ZBTB38: variants seen among roughly 807,000 people sequenced by gnomAD.
The protein encoded by ZBTB38 is zinc finger and BTB domain-containing protein 38.
In ZBTB38, 20 loss-of-function variants were observed where a neutral mutation model predicts 76.8. The observed-to-expected ratio is 0.26, with a 90% confidence interval of 0.18 to 0.38. The LOEUF is 0.38. Among genes scored for constraint, ZBTB38 ranks in the 10% least tolerant of loss-of-function variants. The probability of loss-of-function intolerance (pLI) is 1.00; values close to 1 mark genes in which losing one functional copy is unlikely to be tolerated. For missense variants in ZBTB38, 1,082 were observed against 1,482.3 expected (o/e 0.73, Z 4.43); for synonymous variants, 504 against 544.2 (o/e 0.93, Z 1.03).
intron 1 of ZBTB38, among the ~76,000 whole-genome samples, chr3:141,345,736 G>A (rs998852887): frequency 6.6e-6 from 1 of 151,958 alleles, no homozygotes; most frequent in African/African-American, 2.4e-5. Context: ...GTCTTGGGGT[G>A]GGAGGTGGGA....
At chr3:141,434,215 A>C (rs900149623) in intron 5 of ZBTB38, 1 of 985,290 alleles carries the variant, frequency 1.0e-6, no homozygotes, top group Admixed American at 6.1e-5. Flanking sequence ...TAAGACATCA[A>C]CTGAGACAAG....
intron 2 of ZBTB38, among the ~76,000 whole-genome samples, chr3:141,373,294 TG>T (rs2149055689): frequency 6.6e-6 from 1 of 152,350 alleles, no homozygotes; most frequent in South Asian, 2.1e-4. Flanking sequence ...TAATTTCACA[TG>T]GGAGTAATAA....
chr3:141,351,868 A>G (rs1363874883), intron 1 of ZBTB38, among the ~76,000 whole-genome samples: 5 of 151,982 alleles, frequency 3.3e-5, no homozygotes, highest in African/African-American at 1.2e-4. Flanking sequence ...TATATTTTTG[A>G]GGGGTTTTTA....
chr3:141,433,100 T>C (rs1363507878), intron 5 of ZBTB38, among the ~76,000 whole-genome samples: 1 of 152,212 alleles, frequency 6.6e-6, no homozygotes. Flanking sequence ...ATGGAGAGTA[T>C]GCATATCTGC....
rs2081179978 is a variant in ZBTB38 at position 141,447,406 on chromosome 3, T to TA, written c.*1431dup. 1 of 152,576 alleles carries TA rather than the reference T, an allele frequency of 6.6e-6. No homozygotes were observed. Among genetic ancestry groups the TA allele is most frequent in the South Asian group, 2.1e-4 (1 of 4,824 alleles). 9.5% of individuals were successfully genotyped at this position (152,576 alleles called of 1,614,324 possible). ...TAAAAACCCACTGAAGTTTTTTTTT[T>TA]ATGTTCTTTGACCCACACCATCAAC... On this transcript the variant is annotated 3_prime_UTR_variant, in exon 6 of 6. Coordinates refer to ENST00000321464, the MANE Select transcript of ZBTB38 (RefSeq NM_001376113.1).
At chr3:141,348,890 A>T (rs1328665808) in intron 1 of ZBTB38, among the ~76,000 whole-genome samples, 1 of 152,158 alleles carries the variant, frequency 6.6e-6, no homozygotes, top group African/African-American at 2.4e-5. Flanking sequence ...GAGGGTAAAC[A>T]GTGGATGGAG....
intron 1 of ZBTB38, among the ~76,000 whole-genome samples, chr3:141,326,012 T>C: frequency 6.6e-6 from 1 of 152,204 alleles, no homozygotes; most frequent in East Asian, 1.9e-4. Flanking sequence ...TAACATGTTT[T>C]TTCTTTAATT....
At chr3:141,345,377 A>G (rs1576655466) in intron 1 of ZBTB38, among the ~76,000 whole-genome samples, 1 of 152,124 alleles carries the variant, frequency 6.6e-6, no homozygotes. Flanking sequence ...AAGGGCCTGG[A>G]CAGCTGATGT....
chr3:141,409,059 T>A (rs915359289), intron 5 of ZBTB38, among the ~76,000 whole-genome samples: 2 of 152,278 alleles, frequency 1.3e-5, no homozygotes, highest in African/African-American at 4.8e-5. Context: ...AATTATTATT[T>A]TTTAAGACGG....
intron 1 of ZBTB38, among the ~76,000 whole-genome samples, chr3:141,347,820 A>G (rs979741729): frequency 5.9e-5 from 9 of 152,162 alleles, no homozygotes; most frequent in Non-Finnish European, 8.8e-5. Context: ...ATCTCCTCCA[A>G]TGGTTCCTTC....
intron 2 of ZBTB38, among the ~76,000 whole-genome samples, chr3:141,372,128 A>G (rs1247916741): frequency 6.6e-6 from 1 of 152,224 alleles, no homozygotes; most frequent in African/African-American, 2.4e-5. Context: ...ACAGCTTCTC[A>G]GATATCTGAC....
At chr3:141,336,364 C>T (rs781018747) in intron 1 of ZBTB38, among the ~76,000 whole-genome samples, 3 of 152,046 alleles carry the variant, frequency 2.0e-5, no homozygotes, top group Non-Finnish European at 4.4e-5. Context: ...CTATTTGCTT[C>T]TCTTGACCAT....
At chr3:141,340,938 A>AAAAGAAAAGAAAAG (rs779460196) in intron 1 of ZBTB38, among the ~76,000 whole-genome samples, 1 of 32,420 alleles carries the variant, frequency 3.1e-5, no homozygotes, top group African/African-American at 1.7e-4. Context: ...AAAAGAAAAG[A>AAAAGAAAAGAAAAG]AAAGAAAGAA....
chr3:141,380,151 C>T (rs758069723), intron 2 of ZBTB38, among the ~76,000 whole-genome samples: 1 of 152,178 alleles, frequency 6.6e-6, no homozygotes, highest in East Asian at 1.9e-4. Context: ...GACACTTACT[C>T]TCTTTGAACC....
At position 141,371,848 on chromosome 3, in the gene ZBTB38, T is replaced by C. The variant is rs976714751; in HGVS notation, c.-235+1902T>C. ...TGTAACCTTCTAACCATTGTTGATG[T>C]TGGTGAAGTATTCCCCTCATTCGTA... is the stretch of plus-strand genomic sequence containing the variant. On this transcript the variant is annotated intron_variant, in intron 2 of 5. Coordinates refer to ENST00000321464, the MANE Select transcript of ZBTB38 (RefSeq NM_001376113.1). 2.6e-5 allele frequency among the ~76,000 whole-genome samples: 4 copies of C among 152,264 alleles called. No homozygotes were observed. The East Asian group carries it at 7.7e-4, about 29-fold the overall frequency.
intron 2 of ZBTB38, among the ~76,000 whole-genome samples, chr3:141,372,224 T>G (rs925548447): frequency 2.0e-5 from 3 of 152,192 alleles, no homozygotes; most frequent in Non-Finnish European, 2.9e-5. Context: ...TGAGGAGGAA[T>G]GGAATAGAAT....
intron 4 of ZBTB38, among the ~76,000 whole-genome samples, chr3:141,393,094 C>T (rs1458536612): frequency 6.6e-6 from 1 of 152,296 alleles, no homozygotes; most frequent in East Asian, 1.9e-4. Context: ...AGTTTGTTTT[C>T]TGGTGCTGTT....
rs2080617419 is a variant in ZBTB38, at chr3:141,443,254, A to G, written c.866A>G (p.Asn289Ser). 6.2e-7 allele frequency: 1 copy of G among 1,614,188 alleles called. No individual in the cohort carries two copies. Among genetic ancestry groups the G allele is most frequent in the Non-Finnish European group, 8.5e-7 (1 of 1,179,994 alleles). ...TENIPPPPVSNLEVNQERSPQ... is the reference protein window; with the variant it reads ...TENIPPPPVSSLEVNQERSPQ... ...AATATACCACCCCCTCCAGTATCCA[A>G]CTTAGAGGTTAATCAAGAAAGAAGT... Residue 289 changes from asparagine to serine, a missense_variant, in exon 6 of 6, where the codon AAC becomes AGC. This residue lies in a region of ZBTB38 where 324 missense variants were observed against 359.1 expected (regional missense o/e 0.90). Coordinates refer to ENST00000321464, the MANE Select transcript of ZBTB38 (RefSeq NM_001376113.1). This position sits in a 1 kb window ranked among gnomAD's most constrained non-coding sequence, Gnocchi z 5.6.
At chr3:141,374,479 C>T (rs766316103) in intron 2 of ZBTB38, among the ~76,000 whole-genome samples, 4 of 152,172 alleles carry the variant, frequency 2.6e-5, no homozygotes, top group Non-Finnish European at 4.4e-5. Context: ...GAGGCATTGA[C>T]CTTGGGTAGT....
Sources: gnomAD v4.1 joint callset for allele counts (sites outside exome capture counted in the v4.1 genomes callset) on GRCh38, gnomAD v4.1.1 for gene constraint, gnomAD v4.1.1 regional missense constraint, Gnocchi (gnomAD v3.1) non-coding constraint, MANE v1.5 for transcripts, NCBI Gene and HGNC (gene_info 2026-07-23, HGNC 2026-07-21) for gene names.